PAQR5: variants seen among roughly 807,000 people sequenced by gnomAD.
The protein encoded by PAQR5 is progestin and adipoQ receptor family member 5, also known as membrane progestin receptor gamma.
In PAQR5, 20 loss-of-function variants were observed where a neutral mutation model predicts 34.5. The observed-to-expected ratio is 0.58, with a 90% CI of 0.41 to 0.84. The LOEUF (loss-of-function observed/expected upper bound fraction) is 0.84. PAQR5 is among the 40% of genes least tolerant of loss of function. The probability of loss-of-function intolerance (pLI) is 0.00; values close to 1 mark genes in which losing one functional copy is unlikely to be tolerated. For synonymous variants in PAQR5, 131 were observed against 155.6 expected, an observed-to-expected ratio of 0.84 and a Z score of 1.18; for missense variants, 378 against 412.7, an observed-to-expected ratio of 0.92 and a Z score of 0.73.
At chr15:69,365,557 T>C (rs1249430155) in intron 3 of PAQR5, among the ~76,000 whole-genome samples, 1 of 152,246 alleles carries the variant, frequency 6.6e-6, no homozygotes, top group African/African-American at 2.4e-5. Context: ...AGCTTGATTG[T>C]GATAGATCTC....
intron 5 of PAQR5, among the ~76,000 whole-genome samples, chr15:69,387,319 C>T (rs1424315968): frequency 6.6e-6 from 1 of 152,212 alleles, no homozygotes; most frequent in Non-Finnish European, 1.5e-5. Flanking sequence ...ACACACACCC[C>T]TGAGGGGCCA....
At chr15:69,338,835 G>C (rs2054570319) in intron 2 of PAQR5, among the ~76,000 whole-genome samples, 4 of 152,206 alleles carry the variant, frequency 2.6e-5, no homozygotes, top group Admixed American at 6.5e-5. Flanking sequence ...GTAGTTTATA[G>C]TTTAAACAAA....
intron 2 of PAQR5, among the ~76,000 whole-genome samples, chr15:69,353,155 C>T (rs976084857): frequency 2.0e-5 from 3 of 152,304 alleles, no homozygotes; most frequent in Admixed American, 1.3e-4. Flanking sequence ...TGCTGAGTGC[C>T]CATTCTGCCA....
intron 1 of PAQR5, among the ~76,000 whole-genome samples, chr15:69,302,383 A>G (rs1355026640): frequency 6.6e-6 from 1 of 151,766 alleles, no homozygotes; most frequent in Non-Finnish European, 1.5e-5. Flanking sequence ...AGAAATGGGG[A>G]CTTTCAAATT....
chr15:69,310,694 TCAA>T (rs1436183206), intron 1 of PAQR5, among the ~76,000 whole-genome samples: 1 of 152,094 alleles, frequency 6.6e-6, no homozygotes, highest in Admixed American at 6.5e-5. Context: ...CCTCATTTGG[TCAA>T]CAATTTATTA....
At chr15:69,304,925 G>A (rs1023957745) in intron 1 of PAQR5, among the ~76,000 whole-genome samples, 2 of 152,182 alleles carry the variant, frequency 1.3e-5, no homozygotes, top group Admixed American at 6.5e-5. Context: ...CTGCACTCCT[G>A]GGAGCTGAAG....
chr15:69,309,331 TG>T (rs1158531764), intron 1 of PAQR5, among the ~76,000 whole-genome samples: 2 of 152,148 alleles, frequency 1.3e-5, no homozygotes, highest in African/African-American at 4.8e-5. Flanking sequence ...GCGCAGGGCA[TG>T]GGCCACGGTG....
intron 2 of PAQR5, among the ~76,000 whole-genome samples, chr15:69,345,865 C>T (rs552151102): frequency 2.6e-5 from 4 of 152,260 alleles, no homozygotes; most frequent in East Asian, 3.9e-4. Flanking sequence ...GCCAGGAGTT[C>T]AAGGCTGCAG....
intron 2 of PAQR5, among the ~76,000 whole-genome samples, chr15:69,345,314 A>C (rs1349980665): frequency 6.6e-6 from 1 of 152,200 alleles, no homozygotes; most frequent in East Asian, 1.9e-4. Context: ...GAAGTTATTA[A>C]GTTTTTGGAC....
chr15:69,391,697 C>T (rs951094967), intron 6 of PAQR5: 2 of 455,972 alleles, frequency 4.4e-6, no homozygotes, highest in African/African-American at 2.0e-5. Flanking sequence ...TAGGATTAGA[C>T]AGGGAGAGTA....
chr15:69,334,178 C>T (rs933543844), intron 1 of PAQR5, among the ~76,000 whole-genome samples: 1 of 152,132 alleles, frequency 6.6e-6, no homozygotes, highest in African/African-American at 2.4e-5. Flanking sequence ...CAGGCGCCCG[C>T]CACCACGCCG....
chr15:69,337,769 A>T (rs1247746062), intron 2 of PAQR5, among the ~76,000 whole-genome samples: 4 of 152,210 alleles, frequency 2.6e-5, no homozygotes, highest in Non-Finnish European at 5.9e-5. Flanking sequence ...TCATTTTGTA[A>T]ACTGTAAATC....
At chr15:69,327,055 T>G (rs1050375115) in intron 1 of PAQR5, among the ~76,000 whole-genome samples, 3 of 151,922 alleles carry the variant, frequency 2.0e-5, no homozygotes, top group African/African-American at 7.3e-5. Context: ...GGCAGTAACA[T>G]GGCTCACTGC....
chr15:69,364,143 A>G (rs894703638), intron 3 of PAQR5, among the ~76,000 whole-genome samples: 4 of 152,168 alleles, frequency 2.6e-5, no homozygotes, highest in East Asian at 1.9e-4. Flanking sequence ...CAGTGGGATT[A>G]TTATGAATGA....
chr15:69,401,960 C>T (rs2056641872), intron 8 of PAQR5, among the ~76,000 whole-genome samples: 1 of 152,184 alleles, frequency 6.6e-6, no homozygotes, highest in Non-Finnish European at 1.5e-5. Flanking sequence ...CTCAAAACTC[C>T]TGGGTTCAAG....
intron 1 of PAQR5, among the ~76,000 whole-genome samples, 191 bp downstream of exon 1, chr15:69,299,247 C>CT (rs1232693904): frequency 1.3e-5 from 2 of 152,132 alleles, no homozygotes; most frequent in Non-Finnish European, 2.9e-5. Context: ...GGCTCGGCCA[C>CT]TTTCACCGCA....
At chr15:69,304,208 G>A (rs1234977042) in intron 1 of PAQR5, among the ~76,000 whole-genome samples, 2 of 152,180 alleles carry the variant, frequency 1.3e-5, no homozygotes, top group Non-Finnish European at 2.9e-5. Context: ...CTCCTGAAGA[G>A]GGTGAGGCCC....
At chr15:69,393,866 C>G (rs1309446517) in intron 6 of PAQR5, among the ~76,000 whole-genome samples, 1 of 152,138 alleles carries the variant, frequency 6.6e-6, no homozygotes, top group Non-Finnish European at 1.5e-5. Context: ...GACTTTGGTT[C>G]AAATGAAAAT....
intron 2 of PAQR5, among the ~76,000 whole-genome samples, chr15:69,345,123 G>A (rs188720592): frequency 6.7e-6 from 1 of 148,670 alleles, no homozygotes; most frequent in Non-Finnish European, 1.5e-5. Context: ...AAAGAAAAGA[G>A]AAAGAAGAAA....
Sources: allele counts gnomAD v4.1 joint callset (sites outside exome capture counted in the v4.1 genomes callset), GRCh38; gene constraint gnomAD v4.1.1; transcripts MANE v1.5; gene names NCBI Gene and HGNC (gene_info 2026-07-23, HGNC 2026-07-21).